The following SFMBT2 variants were observed in gnomAD, a reference collection of about 807,000 sequenced individuals.
SFMBT2 encodes scm-like with four MBT domains protein 2.
Under a neutral mutation model 110.1 loss-of-function variants are expected in SFMBT2, and 38 were observed. That is an observed-to-expected ratio of 0.35 (90% CI 0.27 to 0.45). The LOEUF (loss-of-function observed/expected upper bound fraction) is 0.45, where lower values mean the gene tolerates loss of function less well. SFMBT2 is among the 20% of genes least tolerant of loss of function. The pLI is 1.00. For synonymous variants in SFMBT2, 425 were observed against 425.4 expected, an observed-to-expected ratio of 1.00 and a Z score of 0.01; for missense variants, 1,011 against 1,094.9, an observed-to-expected ratio of 0.92 and a Z score of 1.08.
chr10:7,311,947 G>C (rs115541048), intron 4 of SFMBT2, among the ~76,000 whole-genome samples: 3,052 of 152,162 alleles, frequency 0.02, 104 homozygotes, highest in African/African-American at 0.068. Context: ...CCCTGGCCCA[G>C]AATGTTTTTA....
At chr10:7,376,727 C>A (rs1011903684) in intron 2 of SFMBT2, among the ~76,000 whole-genome samples, 36 of 44,730 alleles carry the variant, frequency 8.0e-4, no homozygotes, top group Non-Finnish European at 1.0e-3. Flanking sequence ...GGCCCTCCCA[C>A]AAAAAAAAAA....
chr10:7,353,107 C>T (rs1844378469), intron 4 of SFMBT2, among the ~76,000 whole-genome samples: 3 of 152,314 alleles, frequency 2.0e-5, no homozygotes, highest in Non-Finnish European at 4.4e-5. Context: ...TCACTGAGTA[C>T]ACACTATTGG....
intron 4 of SFMBT2, among the ~76,000 whole-genome samples, chr10:7,335,188 G>T (rs907247483): frequency 6.6e-6 from 1 of 152,156 alleles, no homozygotes; most frequent in African/African-American, 2.4e-5. Flanking sequence ...GTTTCCAATG[G>T]GGGAGAGGAA....
chr10:7,236,728 T>C (rs1840269505), intron 9 of SFMBT2, among the ~76,000 whole-genome samples: 2 of 152,038 alleles, frequency 1.3e-5, no homozygotes, highest in African/African-American at 4.8e-5. Context: ...AGGAAGGAAT[T>C]CTAAAGGTAT....
intron 11 of SFMBT2, among the ~76,000 whole-genome samples, chr10:7,218,371 C>G (rs1389060029): frequency 6.6e-6 from 1 of 152,136 alleles, no homozygotes; most frequent in African/African-American, 2.4e-5. Context: ...AAAACCAAAA[C>G]CAAAATTCAA....
chr10:7,186,806 G>T (rs1033223288), intron 16 of SFMBT2, among the ~76,000 whole-genome samples: 1 of 152,182 alleles, frequency 6.6e-6, no homozygotes, highest in Non-Finnish European at 1.5e-5. Flanking sequence ...TCAACACACA[G>T]TATCAGAGCA....
intron 16 of SFMBT2, among the ~76,000 whole-genome samples, chr10:7,184,650 C>T (rs757801550): frequency 3.3e-5 from 5 of 152,038 alleles, no homozygotes; most frequent in South Asian, 2.1e-4. Context: ...TTATAACCAC[C>T]GGCACGGCCC....
intron 6 of SFMBT2, chr10:7,277,491 A>G (rs1308526329): frequency 4.3e-6 from 1 of 231,782 alleles, no homozygotes; most frequent in African/African-American, 2.3e-5. Flanking sequence ...GAAAATTATT[A>G]AAAGGTAAAT....
At chr10:7,350,172 A>G (rs1844265041) in intron 4 of SFMBT2, among the ~76,000 whole-genome samples, 1 of 151,336 alleles carries the variant, frequency 6.6e-6, no homozygotes, top group East Asian at 1.9e-4. Flanking sequence ...CTCCTGCCCA[A>G]TCGTGTCTTA....
chr10:7,350,766 C>T (rs1254546301), intron 4 of SFMBT2, among the ~76,000 whole-genome samples: 2 of 152,222 alleles, frequency 1.3e-5, no homozygotes, highest in African/African-American at 2.4e-5. Context: ...TCTTGTTTTT[C>T]CTCCTGTGCA....
chr10:7,356,902 G>A (rs949355193), intron 4 of SFMBT2, among the ~76,000 whole-genome samples: 7 of 152,166 alleles, frequency 4.6e-5, no homozygotes, highest in African/African-American at 1.7e-4. Context: ...CCTAAAAAGT[G>A]GGTGAAATGT....
intron 2 of SFMBT2, chr10:7,370,939 G>A (rs906538357): frequency 2.4e-5 from 6 of 254,780 alleles, no homozygotes; most frequent in East Asian, 1.8e-4. Flanking sequence ...TGACACTCCC[G>A]ACGCCTGGCC....
intron 1 of SFMBT2, among the ~76,000 whole-genome samples, chr10:7,393,788 C>T (rs566364376): frequency 2.4e-4 from 37 of 152,226 alleles, no homozygotes; most frequent in African/African-American, 7.2e-4. Flanking sequence ...GCCCTCTGAC[C>T]CCTAGACCTA....
intron 11 of SFMBT2, among the ~76,000 whole-genome samples, chr10:7,213,266 A>G (rs1427909019): frequency 6.6e-6 from 1 of 152,224 alleles, no homozygotes; most frequent in Admixed American, 6.5e-5. Context: ...TAAGAAAAAA[A>G]AGAAACACAG....
chr10:7,319,559 G>C (rs1170080592), intron 4 of SFMBT2, among the ~76,000 whole-genome samples: 1 of 152,166 alleles, frequency 6.6e-6, no homozygotes, highest in Non-Finnish European at 1.5e-5. Context: ...TGGTATATCA[G>C]GAAGTTTCAT....
intron 16 of SFMBT2, among the ~76,000 whole-genome samples, chr10:7,187,935 T>C (rs1838468029): frequency 1.3e-5 from 2 of 152,202 alleles, no homozygotes; most frequent in African/African-American, 4.8e-5. Context: ...AAAAGTCCTC[T>C]CAAGCACTCT....
intron 16 of SFMBT2, among the ~76,000 whole-genome samples, chr10:7,177,148 C>A (rs560043048): frequency 7.3e-4 from 111 of 152,270 alleles, no homozygotes; most frequent in Non-Finnish European, 1.2e-3. Flanking sequence ...TCTGAACATG[C>A]ACACCTTCAC....
At chr10:7,190,222 A>G (rs1205961191) in intron 15 of SFMBT2, among the ~76,000 whole-genome samples, 5 of 152,206 alleles carry the variant, frequency 3.3e-5, no homozygotes, top group Non-Finnish European at 7.3e-5. Flanking sequence ...TATTAGAATA[A>G]TCATCTGATT....
At chr10:7,393,293 A>G (rs978090061) in intron 1 of SFMBT2, among the ~76,000 whole-genome samples, 1 of 152,008 alleles carries the variant, frequency 6.6e-6, no homozygotes, top group Admixed American at 6.6e-5. Flanking sequence ...GGCCTCCCAA[A>G]GTGCTGGGAT....
Sources: gnomAD v4.1 joint callset for allele counts (sites outside exome capture counted in the v4.1 genomes callset) on GRCh38, gnomAD v4.1.1 for gene constraint, MANE v1.5 for transcripts, NCBI Gene and HGNC (gene_info 2026-07-23, HGNC 2026-07-21) for gene names.